Variants in TFAP2A observed in about 807,000 individuals in gnomAD.
TFAP2A encodes transcription factor AP-2 alpha.
In TFAP2A, 7 loss-of-function variants were observed where a neutral mutation model predicts 41.5. The observed-to-expected ratio is 0.17, with a 90% CI of 0.10 to 0.32. The LOEUF (loss-of-function observed/expected upper bound fraction) is 0.32. Ranked by LOEUF, TFAP2A falls within the 10% of genes least tolerant of loss-of-function variation. The probability of loss-of-function intolerance (pLI) is 1.00; values close to 1 mark genes in which losing one functional copy is unlikely to be tolerated. For synonymous variants in TFAP2A, 247 were observed against 242.8 expected, an observed-to-expected ratio of 1.02 and a Z score of -0.16; for missense variants, 416 against 563.3, an observed-to-expected ratio of 0.74 and a Z score of 2.65.
Position 10,409,939 on chromosome 6 carries a change from AGAGGTCTCC to A in TFAP2A, c.439_447del (p.Gly147_Leu149del). The A allele has an allele frequency of 6.4e-7, 1 of 1,558,386 alleles. No homozygotes were observed. Among genetic ancestry groups the A allele is most frequent in the Non-Finnish European group, 8.7e-7 (1 of 1,150,888 alleles). ...ATGGCGTGAGGTAAGGAGTGGATCGAGAGGTCTCCGAGTCCTGAGCTGAGCGCGTGTGGG... is the reference window on the plus strand; with the variant it reads ...ATGGCGTGAGGTAAGGAGTGGATCGAGAGTCCTGAGCTGAGCGCGTGTGGG... On this transcript the variant is annotated inframe_deletion, in exon 2 of 7. Transcript: ENST00000379613.
chr6:10,417,535 G>A (rs1296193617), upstream of TFAP2A, among the ~76,000 whole-genome samples: 3 of 152,248 alleles, frequency 2.0e-5, no homozygotes, highest in African/African-American at 7.2e-5. Flanking sequence ...CAGAACCCCG[G>A]GACAGCAGCG....
At chr6:10,410,401 A>G (rs1304137155) in intron 1 of TFAP2A, 66 bp from the exon 2 acceptor site, 1 of 1,492,104 alleles carries the variant, frequency 6.7e-7, no homozygotes, top group Non-Finnish European at 9.1e-7. Context: ...CTATCCACAC[A>G]AAATCCACTT....
rs1264691695 is a variant in TFAP2A, at chr6:10,398,296, G to GGCAGCAGCAGCAGCA, written c.*106_*120dup. On this transcript the variant is annotated 3_prime_UTR_variant, in exon 7 of 7. Coordinates refer to ENST00000379613, the MANE Select transcript of TFAP2A (RefSeq NM_001372066.1). The surrounding 1 kb of genome is among the most constrained non-coding windows in gnomAD (Gnocchi z 5.3). ...CAAGGGCAGCGGCGGCGGCGGCGGC[G>GGCAGCAGCAGCAGCA]GCAGCAGCAGCAGCAGTAGCAGCAG... 2 of 1,577,052 alleles carry GGCAGCAGCAGCAGCA rather than the reference G, an allele frequency of 1.3e-6. No individual in the cohort carries two copies. Among genetic ancestry groups the GGCAGCAGCAGCAGCA allele is most frequent in the Admixed American group, 1.7e-5 (1 of 58,658 alleles).
rs1442618332 is a variant in TFAP2A at position 10,402,478 on chromosome 6, G to A, written c.889+14C>T. 3 of 1,580,084 alleles carry A rather than the reference G, an allele frequency of 1.9e-6. No homozygotes were observed. The highest frequency in any genetic ancestry group is 2.6e-6 in the Non-Finnish European group (3 of 1,149,156). On this transcript the variant is annotated intron_variant, in intron 5 of 6. Transcript: ENST00000379613. ...GAAGGAAGTTCCTTCTAGTTAGCAA[G>A]TGGATTCGCTTACCCTCTACTAGTG... is the stretch of plus-strand genomic sequence containing the variant.
At chr6:10,402,728 CCAAGACA>C (rs1445988211) in intron 4 of TFAP2A, 118 bp from the exon 5 acceptor site, 15 of 810,448 alleles carry the variant, frequency 1.9e-5, no homozygotes, top group Non-Finnish European at 2.5e-5. Context: ...AAGCTTGGCC[CCAAGACA>C]TTTAAAGGAG....
At position 10,412,555 on chromosome 6, in the gene TFAP2A, G is replaced by A. The variant is rs146680207; in HGVS notation, c.52-2220C>T. Reference sequence around the variant, plus strand: ...GGAGGCCGCGGGGGAGGGGGAAGGGGAGAGGAAGCGAGCGAGGACAATCAG... The same window carrying A: ...GGAGGCCGCGGGGGAGGGGGAAGGGAAGAGGAAGCGAGCGAGGACAATCAG... On this transcript the variant is annotated intron_variant, in intron 1 of 6. Coordinates refer to ENST00000379613, the MANE Select transcript of TFAP2A (RefSeq NM_001372066.1). 8,047 of 171,308 alleles carry A rather than the reference G, an allele frequency of 0.047. 409 individuals carry two copies. Among genetic ancestry groups the A allele is most frequent in the East Asian group, 0.25 (1,191 of 4,700 alleles). The allele number at this position is 171,308 out of a possible 1,614,324, so 10.6% of individuals were successfully genotyped here.
chr6:10,400,593 G>T lies in TFAP2A; in HGVS notation c.890-4C>A. ...CTGGCTAGGTGGACAGCTTCTCCTG[G>T]CAAGAGGGGAGAGGAGGGAGCCAGT... On this transcript the variant is annotated splice_polypyrimidine_tract_variant and splice_region_variant and intron_variant, in intron 5 of 6. Transcript: ENST00000379613. The T allele has an allele frequency of 6.2e-7, 1 of 1,614,138 alleles. No homozygotes were observed. The highest frequency in any genetic ancestry group is 8.5e-7 in the Non-Finnish European group (1 of 1,180,028).
Position 10,398,368 on chromosome 6 carries a change from C to T in TFAP2A, c.*49G>A, listed in dbSNP as rs755465363. On this transcript the variant is annotated 3_prime_UTR_variant, in exon 7 of 7. Coordinates refer to ENST00000379613, the MANE Select transcript of TFAP2A (RefSeq NM_001372066.1). The surrounding 1 kb of genome is among the most constrained non-coding windows in gnomAD (Gnocchi z 5.3). ...GAGCTGTCACCCGCCGGAGGGTGGG[C>T]GCGCGGGGGGCTGGTGAGGCGTGGG... The T allele has an allele frequency of 1.0e-4, 147 of 1,467,632 alleles. No individual in the cohort carries two copies. The highest frequency in any genetic ancestry group is 2.4e-4 in the Middle Eastern group (1 of 4,236). The allele number at this position is 1,467,632 out of a possible 1,614,324, so 90.9% of individuals were successfully genotyped here.
chr6:10,403,757 TA>T (rs1204761987), intron 4 of TFAP2A, among the ~76,000 whole-genome samples: 1 of 152,182 alleles, frequency 6.6e-6, no homozygotes, highest in African/African-American at 2.4e-5. Context: ...TCTTATCTAC[TA>T]AATGAATCAC....
chr6:10,404,454 G>A (rs552331478), intron 4 of TFAP2A, 54 bp downstream of exon 4: 3 of 1,337,822 alleles, frequency 2.2e-6, no homozygotes, highest in Non-Finnish European at 9.8e-7. Flanking sequence ...CGGCGCAAGC[G>A]CAGTGGTTCC....
At chr6:10,415,462 G>T, upstream of TFAP2A, 1 of 262,378 alleles carries the variant, frequency 3.8e-6, no homozygotes, top group South Asian at 5.1e-5. Flanking sequence ...CTCGAGCTCC[G>T]CCGCGAGGCC....
rs978704830 is a variant in TFAP2A, at chr6:10,397,635, C to G, written c.*782G>C. On this transcript the variant is annotated 3_prime_UTR_variant, in exon 7 of 7. Coordinates refer to ENST00000379613, the MANE Select transcript of TFAP2A (RefSeq NM_001372066.1). ...TAGGGAAGATTCAAAACCCACTAAA[C>G]AAGAGGTAAACAAGATCAGATAAAT... 10 of 155,670 alleles carry G rather than the reference C, an allele frequency of 6.4e-5. No individual in the cohort carries two copies. The highest frequency in any genetic ancestry group is 2.0e-4 in the East Asian group (1 of 5,110). 9.6% of individuals were successfully genotyped at this position (155,670 alleles called of 1,614,324 possible).
At chr6:10,415,306 T>C (rs369333837), upstream of TFAP2A, 176 of 1,362,968 alleles carry the variant, frequency 1.3e-4, no homozygotes, top group African/African-American at 1.8e-3. Context: ...AACAGCCTAA[T>C]CGCCTCATTA....
chr6:10,415,157 G>C (rs1171195640), upstream of TFAP2A: 2 of 1,526,750 alleles, frequency 1.3e-6, no homozygotes, highest in African/African-American at 2.7e-5. Flanking sequence ...GCAAGGAGGA[G>C]GAGGAGGAAG....
At position 10,398,721 on chromosome 6, in the gene TFAP2A, A is replaced by T. The variant is rs748114710; in HGVS notation, c.1032-16T>A. ...GCATATCTGTCTGCAGCACAAGTGG[A>T]GCAGAGAGAGAGACATAAGGCTCCA... On this transcript the variant is annotated splice_polypyrimidine_tract_variant and intron_variant, in intron 6 of 6. Coordinates refer to ENST00000379613, the MANE Select transcript of TFAP2A (RefSeq NM_001372066.1). This position sits in a 1 kb window ranked among gnomAD's most constrained non-coding sequence, Gnocchi z 5.3. The T allele has an allele frequency of 6.2e-7, 1 of 1,613,618 alleles. No individual in the cohort carries two copies. The highest frequency in any genetic ancestry group is 8.5e-7 in the Non-Finnish European group (1 of 1,179,784).
intron 1 of TFAP2A, chr6:10,412,390 G>T: frequency 2.9e-6 from 2 of 691,708 alleles, no homozygotes; most frequent in Non-Finnish European, 3.6e-6. Flanking sequence ...GAAAGAAAGT[G>T]TGGGCGAGGG....
intron 1 of TFAP2A, among the ~76,000 whole-genome samples, chr6:10,413,142 G>A (rs1318954193): frequency 6.6e-6 from 1 of 152,234 alleles, no homozygotes; most frequent in East Asian, 1.9e-4. Context: ...CTCGCCTCCT[G>A]CGTGTCCCTA....
At chr6:10,409,822 T>C (rs1442323258) in intron 2 of TFAP2A, 79 bp downstream of exon 2, 1 of 1,489,142 alleles carries the variant, frequency 6.7e-7, no homozygotes, top group Non-Finnish European at 9.1e-7. Flanking sequence ...GCCCACCGAC[T>C]GTATGTTCCA....
At position 10,398,278 on chromosome 6, in the gene TFAP2A, AGCGGCG is replaced by A. The variant is rs952111195; in HGVS notation, c.*133_*138del. 153 of 1,568,482 alleles carry A rather than the reference AGCGGCG, an allele frequency of 9.8e-5. No individual in the cohort carries two copies. The highest frequency in any genetic ancestry group is 2.3e-4 in the African/African-American group (17 of 74,086). On this transcript the variant is annotated 3_prime_UTR_variant, in exon 7 of 7. Transcript: ENST00000379613. This position sits in a 1 kb window ranked among gnomAD's most constrained non-coding sequence, Gnocchi z 5.3. Reference sequence around the variant, plus strand: ...CGGAGACTCGGGGGGACCCAAGGGCAGCGGCGGCGGCGGCGGCGGCAGCAGCAGCAG... The same window carrying A: ...CGGAGACTCGGGGGGACCCAAGGGCAGCGGCGGCGGCGGCAGCAGCAGCAG...
Sources: allele counts gnomAD v4.1 joint callset (sites outside exome capture counted in the v4.1 genomes callset), GRCh38; gene constraint gnomAD v4.1.1; non-coding constraint Gnocchi (gnomAD v3.1); transcripts MANE v1.5; gene names NCBI Gene and HGNC (gene_info 2026-07-23, HGNC 2026-07-21).